The following DLGAP3 variants were observed in gnomAD, a reference collection of about 807,000 sequenced individuals.
DLGAP3 encodes the protein disks large-associated protein 3.
DLGAP3 carries 17 observed loss-of-function variants against 81.2 expected under a neutral mutation model. The observed-to-expected ratio is 0.21, with a 90% CI of 0.14 to 0.31. The LOEUF is 0.31. DLGAP3 is among the 10% of genes least tolerant of loss of function. DLGAP3 has a pLI of 1.00. For missense variants in DLGAP3, 1,124 were observed against 1,388.0 expected (o/e 0.81, Z 3.02); for synonymous variants, 577 against 587.4 (o/e 0.98, Z 0.26).
At position 34,865,447 on chromosome 1, in the gene DLGAP3, C is replaced by T. The variant is rs1281574557; in HGVS notation, c.*636G>A. 1 of 156,152 alleles carries T rather than the reference C, an allele frequency of 6.4e-6. No individual in the cohort carries two copies. The highest frequency in any genetic ancestry group is 2.4e-5 in the African/African-American group (1 of 41,476). The allele number at this position is 156,152 out of a possible 1,614,324, so 9.7% of individuals were successfully genotyped here. ...GCAGCTGGCTCGAGTGCAGTTCTGCCGTTTTATTTTTCCTGGGATATTCAA... is the reference window on the plus strand; with the variant it reads ...GCAGCTGGCTCGAGTGCAGTTCTGCTGTTTTATTTTTCCTGGGATATTCAA... On this transcript the variant is annotated 3_prime_UTR_variant, in exon 12 of 12. Transcript: ENST00000373347.
chr1:34,926,707 C>T (rs952116061), intron 1 of DLGAP3, among the ~76,000 whole-genome samples: 2 of 152,152 alleles, frequency 1.3e-5, no homozygotes, highest in African/African-American at 2.4e-5. Flanking sequence ...CAACCAAATA[C>T]GGGGCCCCTT....
Position 34,867,672 on chromosome 1 carries a change from T to G in DLGAP3, c.2486-45A>C. The G allele has an allele frequency of 8.6e-5, 125 of 1,446,464 alleles. No homozygotes were observed. Among genetic ancestry groups the G allele is most frequent in the Non-Finnish European group, 1.1e-4 (114 of 1,029,434 alleles). 89.6% of individuals were successfully genotyped at this position (1,446,464 alleles called of 1,614,324 possible). A position where few individuals can be genotyped will look rare whatever the true frequency, so the allele number is the denominator to read the frequency against. ...TCAGGGAGGGAAATGATGCATCTCC[T>G]TCCCCAGCCTCCACGAAGTCTGCCC... On this transcript the variant is annotated intron_variant, in intron 9 of 11. Transcript: ENST00000373347. This position sits in a 1 kb window ranked among gnomAD's most constrained non-coding sequence, Gnocchi z 4.3.
In DLGAP3 at chr1:34,900,331, G is replaced by A. The variant is rs1206429731; in HGVS notation, c.1108-58C>T. 1.7e-5 allele frequency: 26 copies of A among 1,565,910 alleles called. No homozygotes were observed. The highest frequency in any genetic ancestry group is 2.1e-5 in the Non-Finnish European group (24 of 1,141,448). On this transcript the variant is annotated intron_variant, in intron 3 of 11. Coordinates refer to ENST00000373347, the MANE Select transcript of DLGAP3 (RefSeq NM_001080418.3). This position sits in a 1 kb window ranked among gnomAD's most constrained non-coding sequence, Gnocchi z 5.6. ...TGACCCTAGTAAATCTAGAGGCCAG[G>A]ACTCTTTCCCCACTGCCAGTGGGAG...
At chr1:34,896,922 G>A (rs552585307) in intron 5 of DLGAP3, among the ~76,000 whole-genome samples, 1 of 152,164 alleles carries the variant, frequency 6.6e-6, no homozygotes, top group South Asian at 2.1e-4. Context: ...ACTACCCTAG[G>A]TTTAGGCCAA....
chr1:34,877,271 T>G (rs978827067), intron 8 of DLGAP3, among the ~76,000 whole-genome samples: 1 of 152,142 alleles, frequency 6.6e-6, no homozygotes, highest in Non-Finnish European at 1.5e-5. Context: ...TCTGTTTCAT[T>G]TGCAAACTTG....
At chr1:34,877,687 T>A (rs972664268) in intron 8 of DLGAP3, among the ~76,000 whole-genome samples, 20 of 152,198 alleles carry the variant, frequency 1.3e-4, no homozygotes, top group African/African-American at 4.8e-4. Flanking sequence ...GTTCCAAGAT[T>A]CTTGTTTTGT....
intron 1 of DLGAP3, among the ~76,000 whole-genome samples, chr1:34,924,760 G>GAGAGAT (rs1639844004): frequency 6.6e-6 from 1 of 152,252 alleles, no homozygotes; most frequent in Non-Finnish European, 1.5e-5. Context: ...GGAAGGGAGA[G>GAGAGAT]AGGGAACTGA....
intron 5 of DLGAP3, among the ~76,000 whole-genome samples, 191 bp from the exon 6 acceptor site, chr1:34,886,476 C>T (rs1639232244): frequency 6.6e-6 from 1 of 152,176 alleles, no homozygotes; most frequent in African/African-American, 2.4e-5. Flanking sequence ...ACTCTGCTCC[C>T]AAGGCTTGTC....
rs1363236222 is a variant in DLGAP3 at position 34,900,674 on chromosome 1, C to T, written c.1108-401G>A. ...ACATTCCAAATCCTCTCTCCTTCCCCGCTGTGGGGAGCCACAGAGGGCTTC... is the reference window on the plus strand; with the variant it reads ...ACATTCCAAATCCTCTCTCCTTCCCTGCTGTGGGGAGCCACAGAGGGCTTC... On this transcript the variant is annotated intron_variant, in intron 3 of 11. Coordinates refer to ENST00000373347, the MANE Select transcript of DLGAP3 (RefSeq NM_001080418.3). The surrounding 1 kb of genome is among the most constrained non-coding windows in gnomAD (Gnocchi z 5.6). Among the ~76,000 whole-genome samples, 6 of 152,210 alleles carry T rather than the reference C, an allele frequency of 3.9e-5. No homozygotes were observed. Among genetic ancestry groups the T allele is most frequent in the Non-Finnish European group, 7.3e-5 (5 of 68,028 alleles).
chr1:34,910,573 T>A (rs770521673), intron 1 of DLGAP3, among the ~76,000 whole-genome samples: 6 of 152,178 alleles, frequency 3.9e-5, no homozygotes, highest in Admixed American at 6.5e-5. Flanking sequence ...AGGACAGTCT[T>A]TTGTCAGTCC....
chr1:34,910,880 T>G (rs1394225647), intron 1 of DLGAP3, among the ~76,000 whole-genome samples: 2 of 152,228 alleles, frequency 1.3e-5, no homozygotes, highest in Non-Finnish European at 2.9e-5. Flanking sequence ...TCTTATCCAC[T>G]GAATTCTCCC....
Position 34,867,230 on chromosome 1 carries a change from G to C in DLGAP3, c.2578-39C>G, listed in dbSNP as rs752716089. On this transcript the variant is annotated intron_variant, in intron 10 of 11. Coordinates refer to ENST00000373347, the MANE Select transcript of DLGAP3 (RefSeq NM_001080418.3). The surrounding 1 kb of genome is among the most constrained non-coding windows in gnomAD (Gnocchi z 4.3). ...AGATGGAGGGAAAGTGATTGGTCAA[G>C]GAGGTCTGAGCCCCAGCCAGGACAA... 6.2e-7 allele frequency: 1 copy of C among 1,613,518 alleles called. No homozygotes were observed. Among genetic ancestry groups the C allele is most frequent in the East Asian group, 2.2e-5 (1 of 44,876 alleles).
chr1:34,896,669 A>G (rs1639385259), intron 5 of DLGAP3, among the ~76,000 whole-genome samples: 1 of 152,084 alleles, frequency 6.6e-6, no homozygotes. Context: ...CACAGAAAAA[A>G]CTGTCAGCTT....
Position 34,929,488 on chromosome 1 carries a change from C to G in DLGAP3, c.-172G>C, listed in dbSNP as rs1407766314. ...GGGCTCCGGCCGGGTTACATGGTGC[C>G]GGCGGCCCGGGCCGGGGGCGCTGCG... On this transcript the variant is annotated 5_prime_UTR_variant, in exon 1 of 12. Transcript: ENST00000373347. The surrounding 1 kb of genome is among the most constrained non-coding windows in gnomAD (Gnocchi z 6.5). 3 of 148,358 alleles carry G rather than the reference C, an allele frequency of 2.0e-5. No individual in the cohort carries two copies. The highest frequency in any genetic ancestry group is 3.0e-5 in the Non-Finnish European group (2 of 66,476). The allele number at this position is 148,358 out of a possible 1,614,324, so 9.2% of individuals were successfully genotyped here. A position where few individuals can be genotyped will look rare whatever the true frequency, so the allele number is the denominator to read the frequency against.
rs187603586 is a variant in DLGAP3, at chr1:34,892,897, G to A, written c.1387-6612C>T. Among the ~76,000 whole-genome samples the A allele has an allele frequency of 9.2e-5, 14 of 152,284 alleles. No individual in the cohort carries two copies. In the East Asian group the frequency reaches 2.7e-3, roughly 29 times the overall value. On this transcript the variant is annotated intron_variant, in intron 5 of 11. Coordinates refer to ENST00000373347, the MANE Select transcript of DLGAP3 (RefSeq NM_001080418.3). ...TCAAAAACAATGAACACACGGCCGG[G>A]CGCGGTGGCTCACGCCTGTAATCCC...
intron 1 of DLGAP3, among the ~76,000 whole-genome samples, chr1:34,917,470 C>T (rs569230892): frequency 2.6e-3 from 401 of 151,980 alleles, no homozygotes; most frequent in Non-Finnish European, 4.3e-3. Flanking sequence ...GCCTCAGCCT[C>T]CCAGGTAGCT....
chr1:34,885,884 T>A, intron 6 of DLGAP3, 93 bp from the exon 7 acceptor site: 1 of 1,205,910 alleles, frequency 8.3e-7, no homozygotes, highest in Non-Finnish European at 1.1e-6. Flanking sequence ...CAAGAGGCCC[T>A]ACGGGACCCT....
rs1256238730 is a variant in DLGAP3, at chr1:34,905,329, C to T, written c.55G>A (p.Asp19Asn). Reference protein sequence around the residue: ...GSHPRPARFADQQHMDVGPAA... With the variant: ...GSHPRPARFANQQHMDVGPAA... ...GGGCCCACGTCCATATGCTGTTGGT[C>T]AGCAAAGCGGGCTGGGCGGGGATGG... is the stretch of plus-strand genomic sequence containing the variant. The change falls in exon 3 of 12, where the codon GAC becomes AAC. Residue 19 changes from aspartate to asparagine, a missense_variant. Physicochemically the swap from Asp to Asn is conservative, Grantham distance 23. This residue lies in a region of DLGAP3 where 167 missense variants were observed against 172.1 expected (regional missense o/e 0.97). Coordinates refer to ENST00000373347, the MANE Select transcript of DLGAP3 (RefSeq NM_001080418.3). 3 of 1,561,138 alleles carry T rather than the reference C, an allele frequency of 1.9e-6. No individual in the cohort carries two copies. The highest frequency in any genetic ancestry group is 2.6e-6 in the Non-Finnish European group (3 of 1,152,462).
In DLGAP3 at chr1:34,865,964, C is replaced by T. The variant is rs1395264986; in HGVS notation, c.*119G>A. 1.2e-6 allele frequency: 1 copy of T among 869,064 alleles called. No individual in the cohort carries two copies. The highest frequency in any genetic ancestry group is 1.8e-6 in the Non-Finnish European group (1 of 563,822). The allele number at this position is 869,064 out of a possible 1,614,324, so 53.8% of individuals were successfully genotyped here. ...AGTGTGACGGGCCCGGGGGCCGGGGCGTCCGGTGCCGGTGGGGCGGGCGCA... is the reference window on the plus strand; with the variant it reads ...AGTGTGACGGGCCCGGGGGCCGGGGTGTCCGGTGCCGGTGGGGCGGGCGCA... On this transcript the variant is annotated 3_prime_UTR_variant, in exon 12 of 12. Coordinates refer to ENST00000373347, the MANE Select transcript of DLGAP3 (RefSeq NM_001080418.3).
Sources: allele counts gnomAD v4.1 joint callset (sites outside exome capture counted in the v4.1 genomes callset), GRCh38; gene constraint gnomAD v4.1.1; regional missense constraint gnomAD v4.1.1; non-coding constraint Gnocchi (gnomAD v3.1); transcripts MANE v1.5; gene names NCBI Gene and HGNC (gene_info 2026-07-23, HGNC 2026-07-21).